The following PDE4B variants were observed in gnomAD, a reference collection of about 807,000 sequenced individuals.
The protein encoded by PDE4B is phosphodiesterase 4B, also known as 3',5'-cyclic-AMP phosphodiesterase 4B.
PDE4B carries 20 observed loss-of-function variants against 82.2 expected under a neutral mutation model. That is an observed-to-expected ratio of 0.24 (90% CI 0.17 to 0.35). The LOEUF (loss-of-function observed/expected upper bound fraction) is 0.35. PDE4B is among the 10% of genes least tolerant of loss of function. The probability of loss-of-function intolerance (pLI) is 1.00; values close to 1 mark genes in which losing one functional copy is unlikely to be tolerated. For missense variants in PDE4B, 655 were observed against 907.2 expected (o/e 0.72, Z 3.57); for synonymous variants, 320 against 318.9 (o/e 1.00, Z -0.04).
intron 3 of PDE4B, among the ~76,000 whole-genome samples, chr1:66,088,046 G>A (rs1239494371): frequency 1.3e-5 from 2 of 151,844 alleles, no homozygotes; most frequent in East Asian, 3.9e-4. Context: ...ATAAAAAAAA[G>A]TTTACGGCAA....
At chr1:66,135,797 T>C (rs1244198922) in intron 3 of PDE4B, among the ~76,000 whole-genome samples, 2 of 152,332 alleles carry the variant, frequency 1.3e-5, no homozygotes, top group Non-Finnish European at 2.9e-5. Context: ...TGCTCTCCAA[T>C]ACTCTCATTT....
chr1:66,353,701 G>T (rs960172662), intron 8 of PDE4B, among the ~76,000 whole-genome samples: 2 of 152,160 alleles, frequency 1.3e-5, no homozygotes, highest in African/African-American at 4.8e-5. Flanking sequence ...ACAAGGAGAA[G>T]GGAGGGGCTG....
chr1:66,330,041 T>C lies in PDE4B; in HGVS notation c.635-2467T>C, dbSNP rs147796812. ...ATTGCATTCATAGGTAGCAGGTGTT[T>C]GATATCCCCCTATTTAGTACACTCT... On this transcript the variant is annotated intron_variant, in intron 7 of 16. Transcript: ENST00000341517. Among the ~76,000 whole-genome samples, 65 of 152,352 alleles carry C rather than the reference T, an allele frequency of 4.3e-4. 2 individuals are homozygous for C. In the East Asian group the frequency reaches 0.011, roughly 25 times the overall value.
intron 3 of PDE4B, among the ~76,000 whole-genome samples, chr1:66,010,294 A>G (rs1028856890): frequency 6.6e-6 from 1 of 151,708 alleles, no homozygotes; most frequent in Non-Finnish European, 1.5e-5. Flanking sequence ...ATCTGGAAAT[A>G]TAAATTTTAA....
chr1:65,840,563 C>T (rs745541866), intron 1 of PDE4B, among the ~76,000 whole-genome samples: 3 of 152,030 alleles, frequency 2.0e-5, no homozygotes, highest in Admixed American at 6.6e-5. Context: ...AAGATTCAGT[C>T]GAGACAAATA....
chr1:65,899,392 C>G (rs1030816172), intron 1 of PDE4B, among the ~76,000 whole-genome samples: 2 of 151,942 alleles, frequency 1.3e-5, no homozygotes, highest in African/African-American at 4.8e-5. Context: ...ACTAGTGCAA[C>G]CACTATGGAA....
chr1:65,846,987 C>A (rs1023230108), intron 1 of PDE4B, among the ~76,000 whole-genome samples: 2 of 152,110 alleles, frequency 1.3e-5, no homozygotes, highest in South Asian at 4.1e-4. Context: ...AACAACAAAG[C>A]AGCAATATGA....
At position 65,913,377 on chromosome 1, in the gene PDE4B, A is replaced by G. The variant is rs538163536; in HGVS notation, c.42+21A>G. The G allele has an allele frequency of 5.0e-6, 8 of 1,611,948 alleles. No individual in the cohort carries two copies. In the East Asian group the frequency reaches 6.7e-5, roughly 13 times the overall value. ...ATGATGTAAGTTTCAAAAGGTCCCA[A>G]TCATGTTTGGTCTGTTCAATAAAGA... On this transcript the variant is annotated intron_variant, in intron 2 of 16. Transcript: ENST00000341517.
chr1:66,298,536 A>G (rs760536068), intron 7 of PDE4B, among the ~76,000 whole-genome samples: 1 of 152,200 alleles, frequency 6.6e-6, no homozygotes, highest in Non-Finnish European at 1.5e-5. Context: ...CTGTCCATTT[A>G]AAAAAGTAAG....
At chr1:66,283,000 C>T (rs888924814) in intron 7 of PDE4B, among the ~76,000 whole-genome samples, 2 of 152,136 alleles carry the variant, frequency 1.3e-5, no homozygotes, top group African/African-American at 4.8e-5. Flanking sequence ...TTTTTATAAT[C>T]CCTGTTAGCC....
At chr1:66,167,162 A>G (rs993196052) in intron 3 of PDE4B, among the ~76,000 whole-genome samples, 4 of 152,206 alleles carry the variant, frequency 2.6e-5, no homozygotes, top group African/African-American at 2.4e-5. Flanking sequence ...AATGTTAAAC[A>G]TAAAGTACAA....
chr1:66,309,143 TG>T (rs975193429), intron 7 of PDE4B, among the ~76,000 whole-genome samples: 34 of 152,326 alleles, frequency 2.2e-4, no homozygotes, highest in African/African-American at 7.9e-4. Flanking sequence ...CACTTAGTCC[TG>T]GAAGAAGATT....
At chr1:66,324,893 C>T (rs894490769) in intron 7 of PDE4B, among the ~76,000 whole-genome samples, 36 of 152,116 alleles carry the variant, frequency 2.4e-4, no homozygotes, top group African/African-American at 8.5e-4. Flanking sequence ...AAATGTTGCA[C>T]TCTAACCTGA....
At chr1:65,894,132 AAAC>A (rs1190642934) in intron 1 of PDE4B, among the ~76,000 whole-genome samples, 8 of 152,054 alleles carry the variant, frequency 5.3e-5, no homozygotes, top group Non-Finnish European at 7.4e-5. Context: ...CCTGTACCCC[AAAC>A]AACTGTTGAA....
intron 3 of PDE4B, among the ~76,000 whole-genome samples, chr1:66,182,355 T>A (rs1647084938): frequency 1.3e-5 from 2 of 152,192 alleles, no homozygotes; most frequent in Admixed American, 1.3e-4. Context: ...TTGTTTAGAA[T>A]TTTTATACAA....
intron 3 of PDE4B, among the ~76,000 whole-genome samples, chr1:66,224,685 C>G (rs1450075596): frequency 6.6e-6 from 1 of 152,200 alleles, no homozygotes; most frequent in Non-Finnish European, 1.5e-5. Flanking sequence ...TGCCATTGCA[C>G]TCCATCCTGG....
intron 1 of PDE4B, among the ~76,000 whole-genome samples, chr1:65,846,180 G>A (rs750858210): frequency 6.6e-6 from 1 of 152,124 alleles, no homozygotes; most frequent in African/African-American, 2.4e-5. Context: ...TGGATGTCAC[G>A]ACCTTCCAGT....
intron 3 of PDE4B, among the ~76,000 whole-genome samples, chr1:65,976,262 T>C (rs888852997): frequency 6.6e-5 from 10 of 152,368 alleles, no homozygotes; most frequent in African/African-American, 2.4e-4. Context: ...ATGACCACCC[T>C]GCTGGATTTC....
At chr1:66,303,970 A>G (rs974177461) in intron 7 of PDE4B, among the ~76,000 whole-genome samples, 2 of 152,160 alleles carry the variant, frequency 1.3e-5, no homozygotes, top group South Asian at 2.1e-4. Flanking sequence ...CCATCACACC[A>G]CTGAAATATG....
Sources: gnomAD v4.1 joint callset for allele counts (sites outside exome capture counted in the v4.1 genomes callset) on GRCh38, gnomAD v4.1.1 for gene constraint, MANE v1.5 for transcripts, NCBI Gene and HGNC (gene_info 2026-07-23, HGNC 2026-07-21) for gene names.